COG5: variants seen among roughly 807,000 people sequenced by gnomAD.
COG5 encodes conserved oligomeric Golgi complex subunit 5.
In COG5, 86 loss-of-function variants were observed where a neutral mutation model predicts 110.4. That is an observed-to-expected ratio of 0.78 (90% CI 0.65 to 0.93). The LOEUF is 0.93. Among genes scored for constraint, COG5 ranks in the 40% least tolerant of loss-of-function variants. The probability of loss-of-function intolerance (pLI) is 0.00; values close to 1 mark genes in which losing one functional copy is unlikely to be tolerated. For synonymous variants in COG5, 360 were observed against 334.6 expected, an observed-to-expected ratio of 1.08 and a Z score of -0.83; for missense variants, 1,077 against 987.0, an observed-to-expected ratio of 1.09 and a Z score of -1.22.
intron 6 of COG5, among the ~76,000 whole-genome samples, chr7:107,503,528 T>A (rs1279773282): frequency 2.0e-5 from 3 of 152,172 alleles, no homozygotes; most frequent in Non-Finnish European, 4.4e-5. Flanking sequence ...TTTTTCCCAT[T>A]CGGTGAAAAA....
At chr7:107,328,892 C>A (rs1256137912) in intron 10 of COG5, among the ~76,000 whole-genome samples, 1 of 152,112 alleles carries the variant, frequency 6.6e-6, no homozygotes, top group African/African-American at 2.4e-5. Context: ...GTGATCTTGG[C>A]TCATTGCAAC....
chr7:107,285,513 T>C (rs1486402541), intron 12 of COG5, among the ~76,000 whole-genome samples: 1 of 152,180 alleles, frequency 6.6e-6, no homozygotes, highest in Non-Finnish European at 1.5e-5. Flanking sequence ...CTTTTTTGGC[T>C]TTACTAGGGG....
intron 6 of COG5, among the ~76,000 whole-genome samples, chr7:107,486,575 T>TA (rs1797669173): frequency 6.6e-6 from 1 of 151,884 alleles, no homozygotes; most frequent in Non-Finnish European, 1.5e-5. Context: ...TTAAAAACTA[T>TA]AAAAAAGAAA....
chr7:107,558,133 T>A lies in COG5; in HGVS notation c.95-18A>T. On this transcript the variant is annotated intron_variant, in intron 1 of 21. Transcript: ENST00000297135. ...ATAACACCCTGGATTGGGGAAAAAATAAGGAAAAGTCCTTAATTACCCTGT... is the reference window on the plus strand; with the variant it reads ...ATAACACCCTGGATTGGGGAAAAAAAAAGGAAAAGTCCTTAATTACCCTGT... 1.2e-6 allele frequency: 2 copies of A among 1,612,436 alleles called. No homozygotes were observed. The highest frequency in any genetic ancestry group is 1.7e-5 in the Admixed American group (1 of 59,972).
chr7:107,517,300 G>T (rs1218394610), intron 6 of COG5, among the ~76,000 whole-genome samples: 1 of 150,504 alleles, frequency 6.6e-6, no homozygotes, highest in Admixed American at 6.6e-5. Context: ...AGAGAAAAAA[G>T]AATGAAAAAA....
chr7:107,361,974 GA>G, intron 10 of COG5, 58 bp downstream of exon 10: 8 of 1,138,240 alleles, frequency 7.0e-6, no homozygotes, highest in Non-Finnish European at 1.0e-5. Flanking sequence ...AAATGATGCT[GA>G]CTCATATATT....
intron 21 of COG5, chr7:107,210,201 A>G: frequency 8.5e-6 from 10 of 1,174,430 alleles, no homozygotes; most frequent in Non-Finnish European, 1.1e-5. Context: ...AAAATGAAGT[A>G]AAAGATGCGG....
At chr7:107,439,345 C>T (rs1246349867) in intron 6 of COG5, among the ~76,000 whole-genome samples, 1 of 152,064 alleles carries the variant, frequency 6.6e-6, no homozygotes, top group Non-Finnish European at 1.5e-5. Context: ...CTGCACTTTA[C>T]AGGAAAATTC....
intron 11 of COG5, among the ~76,000 whole-genome samples, chr7:107,321,644 C>T (rs2117053222): frequency 6.6e-6 from 1 of 152,170 alleles, no homozygotes; most frequent in Non-Finnish European, 1.5e-5. Flanking sequence ...TGATTTTCAA[C>T]AAAAGTTTCC....
chr7:107,272,862 T>C (rs1248355211), intron 14 of COG5, among the ~76,000 whole-genome samples: 1 of 152,166 alleles, frequency 6.6e-6, no homozygotes, highest in Non-Finnish European at 1.5e-5. Flanking sequence ...GTGAGTTGAG[T>C]AAAAGCTGCT....
intron 19 of COG5, among the ~76,000 whole-genome samples, chr7:107,211,630 T>C (rs1248795851): frequency 6.6e-6 from 1 of 152,258 alleles, no homozygotes; most frequent in East Asian, 1.9e-4. Flanking sequence ...AATCCTTCTT[T>C]GGACCATAAT....
chr7:107,553,083 GACA>G (rs1215109781), intron 3 of COG5, among the ~76,000 whole-genome samples: 1 of 152,108 alleles, frequency 6.6e-6, no homozygotes, highest in Non-Finnish European at 1.5e-5. Context: ...ACCTGAAGAT[GACA>G]ACAACAGACA....
intron 11 of COG5, among the ~76,000 whole-genome samples, chr7:107,317,171 G>T (rs376561813): frequency 6.6e-6 from 1 of 152,204 alleles, no homozygotes; most frequent in East Asian, 1.9e-4. Context: ...TCAGAGTCAG[G>T]AAACAAATGA....
At chr7:107,259,462 C>T (rs938617925) in intron 14 of COG5, among the ~76,000 whole-genome samples, 3 of 152,082 alleles carry the variant, frequency 2.0e-5, no homozygotes, top group Non-Finnish European at 2.9e-5. Flanking sequence ...GAAGCTCTGA[C>T]CTCCCAAGAG....
At chr7:107,534,660 A>T (rs1801451902) in intron 5 of COG5, among the ~76,000 whole-genome samples, 1 of 151,148 alleles carries the variant, frequency 6.6e-6, no homozygotes. Context: ...GACCACCCAG[A>T]TTCATAACCA....
At chr7:107,288,759 G>A (rs113320363) in intron 12 of COG5, among the ~76,000 whole-genome samples, 6,660 of 151,542 alleles carry the variant, frequency 0.044, 208 homozygotes, top group Middle Eastern at 0.096. Context: ...GTAATCCTTT[G>A]AAGCAGCAAA....
At chr7:107,444,180 C>A (rs1794876680) in intron 6 of COG5, among the ~76,000 whole-genome samples, 1 of 152,146 alleles carries the variant, frequency 6.6e-6, no homozygotes, top group African/African-American at 2.4e-5. Context: ...CCTCTCAGTT[C>A]TATAAGTCTC....
intron 6 of COG5, among the ~76,000 whole-genome samples, chr7:107,510,204 T>C (rs1378224676): frequency 6.6e-6 from 1 of 151,768 alleles, no homozygotes; most frequent in African/African-American, 2.4e-5. Context: ...TGGAGGAAGA[T>C]CTACCAAGCA....
At chr7:107,208,652 A>G (rs1329169809) in intron 21 of COG5, 1 of 985,382 alleles carries the variant, frequency 1.0e-6, no homozygotes, top group Non-Finnish European at 1.2e-6. Context: ...TACCAGGAAC[A>G]TTCACCGGGG....
Sources: gnomAD v4.1 joint callset for allele counts (sites outside exome capture counted in the v4.1 genomes callset) on GRCh38, gnomAD v4.1.1 for gene constraint, MANE v1.5 for transcripts, NCBI Gene and HGNC (gene_info 2026-07-23, HGNC 2026-07-21) for gene names.